AGBL1: variants seen among roughly 807,000 people sequenced by gnomAD.
AGBL1 encodes the protein cytosolic carboxypeptidase 4.
In AGBL1, 130 loss-of-function variants were observed where a neutral mutation model predicts 118.9. The observed-to-expected ratio is 1.09, with a 90% CI of 0.95 to 1.26. The LOEUF (loss-of-function observed/expected upper bound fraction) is 1.26. Among genes scored for constraint, AGBL1 ranks in the 50% most tolerant of loss-of-function variants. The probability of loss-of-function intolerance (pLI) is 0.00; values close to 1 mark genes in which losing one functional copy is unlikely to be tolerated. For missense variants in AGBL1, 1,584 were observed against 1,298.1 expected, an observed-to-expected ratio of 1.22 and a Z score of -3.38; for synonymous variants, 555 against 478.9, an observed-to-expected ratio of 1.16 and a Z score of -2.08.
At chr15:86,680,018 T>A (rs1320194447) in intron 22 of AGBL1, among the ~76,000 whole-genome samples, 4 of 152,150 alleles carry the variant, frequency 2.6e-5, no homozygotes, top group Admixed American at 2.0e-4. Flanking sequence ...TGGAACACTT[T>A]AAATTTCCTA....
At chr15:86,392,425 C>T (rs942101284) in intron 17 of AGBL1, among the ~76,000 whole-genome samples, 1 of 152,230 alleles carries the variant, frequency 6.6e-6, no homozygotes, top group South Asian at 2.1e-4. Flanking sequence ...GATGAATGTC[C>T]CTGATGGCAT....
At chr15:86,723,710 A>G (rs1426828744) in intron 22 of AGBL1, among the ~76,000 whole-genome samples, 4 of 152,206 alleles carry the variant, frequency 2.6e-5, no homozygotes, top group African/African-American at 9.7e-5. Flanking sequence ...GGAAAACTAG[A>G]ACTTATATAT....
intron 16 of AGBL1, among the ~76,000 whole-genome samples, chr15:86,293,862 C>G (rs8036727): frequency 6.6e-6 from 1 of 151,874 alleles, no homozygotes; most frequent in African/African-American, 2.4e-5. Context: ...ACAAGGTGGG[C>G]GGTTTCTCCT....
chr15:86,634,766 A>G (rs1347689557), intron 21 of AGBL1, among the ~76,000 whole-genome samples: 1 of 152,218 alleles, frequency 6.6e-6, no homozygotes, highest in African/African-American at 2.4e-5. Context: ...CCACTACTTT[A>G]GATAAATTCA....
intron 22 of AGBL1, among the ~76,000 whole-genome samples, chr15:86,711,328 G>C (rs1439300921): frequency 6.6e-6 from 1 of 152,150 alleles, no homozygotes; most frequent in Non-Finnish European, 1.5e-5. Context: ...AAAGCCTTTT[G>C]GTAAATGAGT....
At chr15:86,717,607 G>A (rs2086657302) in intron 22 of AGBL1, among the ~76,000 whole-genome samples, 1 of 152,184 alleles carries the variant, frequency 6.6e-6, no homozygotes, top group Non-Finnish European at 1.5e-5. Context: ...GCCCTAGGGA[G>A]CAGAAGTAGC....
At position 86,346,354 on chromosome 15, in the gene AGBL1, CT is replaced by C. The variant is rs967491673; in HGVS notation, c.2374+50956del. On this transcript the variant is annotated intron_variant, in intron 17 of 22. Coordinates refer to ENST00000614907, the MANE Select transcript of AGBL1 (RefSeq NM_001386094.1). ...TCATTCTTTCTTTTCTTTTCTTTTT[CT>C]TTTTTTTTTGAGATGAAGTCTCGCT... 1.3e-3 allele frequency among the ~76,000 whole-genome samples: 174 copies of C among 138,506 alleles called. 1 individual carries two copies. The highest frequency in any genetic ancestry group is 4.0e-3 in the African/African-American group (149 of 37,700). The allele number at this position is 138,506 out of a possible 152,430, so 90.9% of individuals were successfully genotyped here.
chr15:86,573,246 C>G (rs1316025025), intron 21 of AGBL1, among the ~76,000 whole-genome samples: 1 of 152,194 alleles, frequency 6.6e-6, no homozygotes, highest in East Asian at 1.9e-4. Context: ...ATTATCCATT[C>G]AAGAAACGTT....
intron 17 of AGBL1, among the ~76,000 whole-genome samples, chr15:86,354,365 C>T (rs11855207): frequency 0.13 from 19,962 of 152,200 alleles, 1,417 homozygotes; most frequent in Admixed American, 0.17. Flanking sequence ...AAGTCTTTAA[C>T]GTCTTGGATA....
chr15:86,599,488 A>G (rs920551816), intron 21 of AGBL1, among the ~76,000 whole-genome samples: 2 of 152,052 alleles, frequency 1.3e-5, no homozygotes, highest in Non-Finnish European at 2.9e-5. Context: ...TTTATGTTTT[A>G]AATTTACTTA....
chr15:86,540,669 A>T (rs76992829), intron 19 of AGBL1, among the ~76,000 whole-genome samples: 2,705 of 152,298 alleles, frequency 0.018, 70 homozygotes, highest in African/African-American at 0.062. Context: ...TTGTACTGAA[A>T]AGAAGTATAA....
At position 86,405,502 on chromosome 15, in the gene AGBL1, A is replaced by G. The variant is rs1022701048; in HGVS notation, c.2555+7956A>G. 2.0e-5 allele frequency among the ~76,000 whole-genome samples: 3 copies of G among 151,980 alleles called. No individual in the cohort carries two copies. The South Asian group carries it at 6.2e-4, about 32-fold the overall frequency. On this transcript the variant is annotated intron_variant, in intron 18 of 22. Coordinates refer to ENST00000614907, the MANE Select transcript of AGBL1 (RefSeq NM_001386094.1). Reference sequence around the variant, plus strand: ...AGCCTGGGCAACAGAGTGAGACTCTATCTCAAAAAAACAAAAAAGCAAAAA... The same window carrying G: ...AGCCTGGGCAACAGAGTGAGACTCTGTCTCAAAAAAACAAAAAAGCAAAAA...
intron 5 of AGBL1, among the ~76,000 whole-genome samples, chr15:86,182,179 T>C (rs1368137646): frequency 2.0e-5 from 3 of 152,068 alleles, no homozygotes; most frequent in Non-Finnish European, 4.4e-5. Context: ...CGAGTGGTAA[T>C]GGGAGAGAAA....
intron 1 of AGBL1, among the ~76,000 whole-genome samples, chr15:86,136,741 C>T (rs573901348): frequency 4.6e-5 from 7 of 152,116 alleles, no homozygotes; most frequent in African/African-American, 7.2e-5. Context: ...GGCAGAGTGA[C>T]GTAAAGGGCG....
chr15:86,431,018 C>A (rs1407609823), intron 18 of AGBL1, among the ~76,000 whole-genome samples: 2 of 152,178 alleles, frequency 1.3e-5, no homozygotes, highest in South Asian at 4.1e-4. Context: ...CTCAAGTTCT[C>A]ACAGTTACCA....
intron 18 of AGBL1, among the ~76,000 whole-genome samples, chr15:86,416,602 A>G (rs1368520923): frequency 6.6e-6 from 1 of 152,210 alleles, no homozygotes; most frequent in East Asian, 1.9e-4. Context: ...ATATCTAGCT[A>G]TTAATCTAGC....
chr15:86,212,560 C>CA (rs2078116401), intron 5 of AGBL1, among the ~76,000 whole-genome samples: 1 of 152,210 alleles, frequency 6.6e-6, no homozygotes, highest in South Asian at 2.1e-4. Context: ...GGTAGTTCAG[C>CA]ATGCCTGGAG....
chr15:86,253,015 A>G (rs2142004632), intron 7 of AGBL1, among the ~76,000 whole-genome samples: 1 of 152,256 alleles, frequency 6.6e-6, no homozygotes, highest in South Asian at 2.1e-4. Flanking sequence ...AGAAAGAACC[A>G]GTGCCATGAG....
intron 7 of AGBL1, among the ~76,000 whole-genome samples, chr15:86,252,324 T>C (rs1382837536): frequency 6.6e-6 from 1 of 152,182 alleles, no homozygotes; most frequent in African/African-American, 2.4e-5. Flanking sequence ...AGGGACTGAA[T>C]TCTAAAGAGA....
Sources: allele counts gnomAD v4.1 joint callset (sites outside exome capture counted in the v4.1 genomes callset), GRCh38; gene constraint gnomAD v4.1.1; transcripts MANE v1.5; gene names NCBI Gene and HGNC (gene_info 2026-07-23, HGNC 2026-07-21).